TUSC3: variants seen among roughly 807,000 people sequenced by gnomAD.
TUSC3 encodes the protein dolichyl-diphosphooligosaccharide--protein glycosyltransferase subunit TUSC3.
Under a neutral mutation model 44.8 loss-of-function variants are expected in TUSC3, and 45 were observed. That is an observed-to-expected ratio of 1.00 (90% CI 0.79 to 1.29). TUSC3 has a LOEUF of 1.29. TUSC3 is among the 50% of genes most tolerant of loss of function. The pLI, the probability that TUSC3 is intolerant of heterozygous loss-of-function variation, is 0.00. For missense variants in TUSC3, 519 were observed against 437.9 expected, an observed-to-expected ratio of 1.19 and a Z score of -1.65; for synonymous variants, 212 against 152.9, an observed-to-expected ratio of 1.39 and a Z score of -2.85.
At chr8:15,581,909 T>G in intron 1 of TUSC3, among the ~76,000 whole-genome samples, 1 of 144,304 alleles carries the variant, frequency 6.9e-6, no homozygotes, top group Non-Finnish European at 1.5e-5. Flanking sequence ...TCCCCCAGCC[T>G]CGCTGCCGCC....
At chr8:15,748,611 T>G in intron 9 of TUSC3, 146 bp downstream of exon 9, 1 of 780,496 alleles carries the variant, frequency 1.3e-6, no homozygotes, top group Non-Finnish European at 2.3e-6. Context: ...ACCTGCCATG[T>G]GTTCAGCATA....
chr8:15,629,777 C>G (rs775157376), intron 2 of TUSC3, among the ~76,000 whole-genome samples: 4 of 149,170 alleles, frequency 2.7e-5, no homozygotes, highest in Non-Finnish European at 4.4e-5. Context: ...AGTTAACTTG[C>G]ATTTAGATTC....
Position 15,764,226 on chromosome 8 carries a change from T to A in TUSC3, c.*70T>A. 6.2e-7 allele frequency: 1 copy of A among 1,606,738 alleles called. No individual in the cohort carries two copies. The highest frequency in any genetic ancestry group is 8.5e-7 in the Non-Finnish European group (1 of 1,174,602). On this transcript the variant is annotated 3_prime_UTR_variant, in exon 11 of 11. Coordinates refer to ENST00000503731, the MANE Select transcript of TUSC3 (RefSeq NM_006765.4). ...AGCTTTTTAATTAAATGAAGCCAAGTGGGATTTGCATAAAGTGAATGTTTA... is the reference window on the plus strand; with the variant it reads ...AGCTTTTTAATTAAATGAAGCCAAGAGGGATTTGCATAAAGTGAATGTTTA...
intron 1 of TUSC3, among the ~76,000 whole-genome samples, chr8:15,464,817 A>G (rs956481633): frequency 6.6e-6 from 1 of 152,114 alleles, no homozygotes; most frequent in Non-Finnish European, 1.5e-5. Flanking sequence ...TGTCCAAAAC[A>G]TGGTCATGAC....
At chr8:15,643,321 C>G (rs551875339) in intron 2 of TUSC3, among the ~76,000 whole-genome samples, 1 of 151,918 alleles carries the variant, frequency 6.6e-6, no homozygotes, top group Non-Finnish European at 1.5e-5. Context: ...ACTTGTTAAA[C>G]GAACAATGCG....
rs374580773 is a variant in TUSC3, at chr8:15,672,413, A to T, written c.709-1334A>T. ...ATGCTCTACATGGATTAACCTACTT[A>T]AAACCCTTGCAGTTTAGAAAGATTG... On this transcript the variant is annotated intron_variant, in intron 5 of 10. Coordinates refer to ENST00000503731, the MANE Select transcript of TUSC3 (RefSeq NM_006765.4). 4.6e-5 allele frequency among the ~76,000 whole-genome samples: 7 copies of T among 151,966 alleles called. 1 individual carries two copies. In the East Asian group the frequency reaches 5.8e-4, roughly 13 times the overall value.
At chr8:15,618,220 C>T (rs1805080642) in intron 1 of TUSC3, among the ~76,000 whole-genome samples, 1 of 152,166 alleles carries the variant, frequency 6.6e-6, no homozygotes, top group Admixed American at 6.5e-5. Context: ...ATAAACACTG[C>T]ACGCTTAGGC....
chr8:15,612,338 G>GAAAC (rs947243730), intron 1 of TUSC3, among the ~76,000 whole-genome samples: 2 of 152,066 alleles, frequency 1.3e-5, no homozygotes, highest in Admixed American at 6.6e-5. Context: ...ATAAAATGTT[G>GAAAC]AAACAAACAA....
intron 6 of TUSC3, among the ~76,000 whole-genome samples, chr8:15,718,967 T>A (rs539786460): frequency 1.1e-4 from 17 of 152,176 alleles, no homozygotes; most frequent in Non-Finnish European, 1.5e-5. Context: ...TAAAATATAT[T>A]CAGGATCAGA....
chr8:15,739,275 A>G (rs1811081902), intron 7 of TUSC3, among the ~76,000 whole-genome samples: 1 of 152,118 alleles, frequency 6.6e-6, no homozygotes, highest in African/African-American at 2.4e-5. Context: ...TTTTGTATGT[A>G]TATTAAGTTT....
intron 6 of TUSC3, among the ~76,000 whole-genome samples, chr8:15,722,017 A>G (rs1810321991): frequency 1.3e-5 from 2 of 152,052 alleles, no homozygotes; most frequent in Admixed American, 6.6e-5. Flanking sequence ...TCCTTTTAAC[A>G]GTTTTGATCA....
chr8:15,831,967 G>T, the TUSC3 span, among the ~76,000 whole-genome samples: 1 of 152,112 alleles, frequency 6.6e-6, no homozygotes, highest in Admixed American at 6.6e-5. Context: ...CTTCAAAGAA[G>T]ATTATGCCCA....
intron 6 of TUSC3, among the ~76,000 whole-genome samples, chr8:15,678,295 T>C (rs1808275168): frequency 6.6e-6 from 1 of 152,158 alleles, no homozygotes; most frequent in South Asian, 2.1e-4. Context: ...CAGGTGCTGG[T>C]GGTGGAAGTC....
intron 6 of TUSC3, among the ~76,000 whole-genome samples, chr8:15,711,974 G>A (rs1421581469): frequency 2.6e-5 from 4 of 151,794 alleles, no homozygotes; most frequent in Admixed American, 1.3e-4. Context: ...GAATATTATT[G>A]TTGTGATTTG....
At chr8:15,673,272 G>GAC (rs781345722) in intron 5 of TUSC3, among the ~76,000 whole-genome samples, 2 of 152,086 alleles carry the variant, frequency 1.3e-5, no homozygotes, top group Non-Finnish European at 2.9e-5. Context: ...AAACTTTGCT[G>GAC]AAAGTATTTA....
At chr8:15,514,747 C>T (rs1394817143) in intron 2 of TUSC3, among the ~76,000 whole-genome samples, 1 of 152,134 alleles carries the variant, frequency 6.6e-6, no homozygotes, top group East Asian at 1.9e-4. Flanking sequence ...AAAGTAATCA[C>T]AGAAGATGGT....
chr8:15,613,742 T>A (rs1442036858), intron 1 of TUSC3, among the ~76,000 whole-genome samples: 1 of 152,204 alleles, frequency 6.6e-6, no homozygotes, highest in Non-Finnish European at 1.5e-5. Context: ...TTGTAAGAGT[T>A]GTATTATATT....
At chr8:15,814,855 T>C in the TUSC3 span, among the ~76,000 whole-genome samples, 8 of 152,168 alleles carry the variant, frequency 5.3e-5, 1 homozygote, top group African/African-American at 1.9e-4. Context: ...AGGATTCAAG[T>C]ATATAAATGT....
intron 1 of TUSC3, among the ~76,000 whole-genome samples, chr8:15,449,441 G>A (rs945253623): frequency 4.6e-5 from 7 of 152,072 alleles, no homozygotes; most frequent in Admixed American, 2.6e-4. Flanking sequence ...GAACCACCCC[G>A]CCATGGCTGG....
Sources: allele counts gnomAD v4.1 joint callset (sites outside exome capture counted in the v4.1 genomes callset), GRCh38; gene constraint gnomAD v4.1.1; transcripts MANE v1.5; gene names NCBI Gene and HGNC (gene_info 2026-07-23, HGNC 2026-07-21).